The following PTPRD variants were observed in gnomAD, a reference collection of about 807,000 sequenced individuals.
PTPRD encodes receptor-type tyrosine-protein phosphatase delta.
Under a neutral mutation model 214.5 loss-of-function variants are expected in PTPRD, and 34 were observed. That is an observed-to-expected ratio of 0.16 (90% CI 0.12 to 0.21). The LOEUF (loss-of-function observed/expected upper bound fraction) is 0.21, where lower values mean the gene tolerates loss of function less well. Among genes scored for constraint, PTPRD ranks in the 10% least tolerant of loss-of-function variants. The pLI, the probability that PTPRD is intolerant of heterozygous loss-of-function variation, is 1.00. For synonymous variants in PTPRD, 1,128 were observed against 845.7 expected (o/e 1.33, Z -5.79); for missense variants, 2,545 against 2,398.7 (o/e 1.06, Z -1.27).
intron 3 of PTPRD, among the ~76,000 whole-genome samples, chr9:10,162,985 T>A (rs2099138211): frequency 6.6e-6 from 1 of 150,848 alleles, no homozygotes; most frequent in South Asian, 2.1e-4. Context: ...GAAATCTATA[T>A]CTGTATCTAT....
chr9:9,946,233 T>C (rs773643403), intron 4 of PTPRD, among the ~76,000 whole-genome samples: 1 of 152,104 alleles, frequency 6.6e-6, no homozygotes, highest in Non-Finnish European at 1.5e-5. Context: ...TCTTGCTCAT[T>C]CTCAGCACTT....
At chr9:9,721,101 T>C (rs915175174) in intron 7 of PTPRD, among the ~76,000 whole-genome samples, 6 of 152,218 alleles carry the variant, frequency 3.9e-5, no homozygotes, top group Admixed American at 1.3e-4. Flanking sequence ...AGTTTATCTA[T>C]ATAACAAACC....
intron 10 of PTPRD, among the ~76,000 whole-genome samples, chr9:9,064,045 C>T: frequency 6.6e-6 from 1 of 152,042 alleles, no homozygotes; most frequent in East Asian, 1.9e-4. Flanking sequence ...AAGATATCAG[C>T]TGAGTGCTTT....
intron 7 of PTPRD, among the ~76,000 whole-genome samples, chr9:9,702,320 G>A (rs1357528137): frequency 6.6e-6 from 1 of 152,124 alleles, no homozygotes; most frequent in Admixed American, 6.5e-5. Flanking sequence ...TAACAAGAGA[G>A]GAATTAATGC....
At chr9:8,876,023 A>G (rs1203317701) in intron 11 of PTPRD, among the ~76,000 whole-genome samples, 3 of 152,170 alleles carry the variant, frequency 2.0e-5, no homozygotes, top group Non-Finnish European at 1.5e-5. Flanking sequence ...ATTAAGTAAC[A>G]TTTTGTTGGA....
intron 44 of PTPRD, among the ~76,000 whole-genome samples, chr9:8,330,386 A>ATAAAG (rs1404002783): frequency 2.0e-5 from 3 of 152,166 alleles, no homozygotes; most frequent in East Asian, 3.9e-4. Context: ...AGACTATAGT[A>ATAAAG]TAAAGTAAAC....
chr9:9,009,378 TA>T (rs1378598746), intron 11 of PTPRD, among the ~76,000 whole-genome samples: 1 of 152,050 alleles, frequency 6.6e-6, no homozygotes, highest in Non-Finnish European at 1.5e-5. Context: ...AGGTAGTGTC[TA>T]AAGGCTCCAC....
intron 2 of PTPRD, among the ~76,000 whole-genome samples, chr9:10,362,366 A>C (rs2097410667): frequency 6.8e-6 from 1 of 147,088 alleles, no homozygotes; most frequent in African/African-American, 2.5e-5. Flanking sequence ...CAGATGAGAG[A>C]ATTGAGGAAA....
At chr9:10,513,632 A>C (rs2049020280) in intron 2 of PTPRD, among the ~76,000 whole-genome samples, 1 of 152,144 alleles carries the variant, frequency 6.6e-6, no homozygotes. Context: ...TGTCCAAGTG[A>C]TTTGACTTGG....
intron 9 of PTPRD, among the ~76,000 whole-genome samples, chr9:9,286,873 A>AATATATATATATAT (rs34631864): frequency 3.9e-5 from 3 of 77,122 alleles, no homozygotes; most frequent in African/African-American, 8.7e-5. Flanking sequence ...GAAACTACTG[A>AATATATATATATAT]ATATATATAT....
intron 4 of PTPRD, among the ~76,000 whole-genome samples, chr9:9,984,077 A>C (rs903442015): frequency 5.3e-5 from 8 of 152,152 alleles, no homozygotes; most frequent in African/African-American, 1.9e-4. Context: ...TTTTATTCAT[A>C]CTGTTTTTTC....
chr9:9,654,466 G>A (rs2096459075), intron 7 of PTPRD, among the ~76,000 whole-genome samples: 1 of 151,910 alleles, frequency 6.6e-6, no homozygotes, highest in South Asian at 2.1e-4. Context: ...ACATTACCCA[G>A]AGCACACAAC....
chr9:8,922,051 T>G (rs1013055425), intron 11 of PTPRD, among the ~76,000 whole-genome samples: 25 of 148,650 alleles, frequency 1.7e-4, no homozygotes, highest in African/African-American at 5.8e-4. Flanking sequence ...GGATTAGTGG[T>G]TAACATCAAA....
At chr9:10,583,227 G>A (rs2072629889) in intron 2 of PTPRD, among the ~76,000 whole-genome samples, 1 of 152,168 alleles carries the variant, frequency 6.6e-6, no homozygotes, top group Non-Finnish European at 1.5e-5. Flanking sequence ...AGTTCACGAG[G>A]AGTTGGGTCA....
chr9:10,047,167 T>C (rs1338080800), intron 3 of PTPRD, among the ~76,000 whole-genome samples: 2 of 152,006 alleles, frequency 1.3e-5, no homozygotes, highest in African/African-American at 4.8e-5. Context: ...AAAATTACAA[T>C]GTTTGAAGAC....
chr9:9,609,845 A>G (rs959924823), intron 7 of PTPRD, among the ~76,000 whole-genome samples: 1 of 152,230 alleles, frequency 6.6e-6, no homozygotes, highest in Non-Finnish European at 1.5e-5. Flanking sequence ...TTGTCAATTC[A>G]GCGTGTAAAA....
chr9:9,625,518 T>G (rs960405460), intron 7 of PTPRD, among the ~76,000 whole-genome samples: 1 of 152,032 alleles, frequency 6.6e-6, no homozygotes, highest in Non-Finnish European at 1.5e-5. Context: ...TCTGAATTAC[T>G]GTGAGGTGAT....
At chr9:9,077,157 T>G (rs990995908) in intron 10 of PTPRD, among the ~76,000 whole-genome samples, 1 of 151,128 alleles carries the variant, frequency 6.6e-6, no homozygotes, top group African/African-American at 2.4e-5. Flanking sequence ...ATTATTAGTT[T>G]TTTTTTTTTT....
At chr9:8,975,509 T>C (rs887449704) in intron 11 of PTPRD, among the ~76,000 whole-genome samples, 4 of 152,036 alleles carry the variant, frequency 2.6e-5, no homozygotes, top group Non-Finnish European at 5.9e-5. Flanking sequence ...AGTAAAAATA[T>C]TCAAAATGTT....
Sources: gnomAD v4.1 joint callset for allele counts (sites outside exome capture counted in the v4.1 genomes callset) on GRCh38, gnomAD v4.1.1 for gene constraint, MANE v1.5 for transcripts, NCBI Gene and HGNC (gene_info 2026-07-23, HGNC 2026-07-21) for gene names.